The following ENTREP2 variants were observed in gnomAD, a reference collection of about 807,000 sequenced individuals.
ENTREP2 encodes the protein endosomal transmembrane epsin interactor 2.
chr15:29,131,828 CAAG>C, the ENTREP2 span, among the ~76,000 whole-genome samples: 15 of 126,704 alleles, frequency 1.2e-4, no homozygotes, highest in African/African-American at 4.0e-4. Context: ...GCCACCCAGA[CAAG>C]AAGATCAAAC....
chr15:29,486,801 A>C, the ENTREP2 span, among the ~76,000 whole-genome samples: 2 of 152,204 alleles, frequency 1.3e-5, no homozygotes, highest in Non-Finnish European at 2.9e-5. Flanking sequence ...GACAAATACC[A>C]CATGATCTCA....
the ENTREP2 span, among the ~76,000 whole-genome samples, chr15:29,379,624 A>G: frequency 5.9e-5 from 9 of 152,014 alleles, no homozygotes; most frequent in African/African-American, 2.2e-4. Context: ...CCCCACTGGG[A>G]TGAGTCCTGA....
the ENTREP2 span, chr15:29,120,656 G>C: frequency 1.3e-5 from 2 of 152,346 alleles, no homozygotes; most frequent in Non-Finnish European, 2.9e-5. Context: ...TCTCAGGGGA[G>C]GGCAGGGGAT....
chr15:29,660,464 G>A, the ENTREP2 span, among the ~76,000 whole-genome samples: 5 of 151,562 alleles, frequency 3.3e-5, no homozygotes, highest in Non-Finnish European at 7.4e-5. Flanking sequence ...CCAGAACTGA[G>A]AGAATAATTT....
the ENTREP2 span, among the ~76,000 whole-genome samples, chr15:29,157,495 C>T: frequency 6.6e-6 from 1 of 152,160 alleles, no homozygotes; most frequent in Non-Finnish European, 1.5e-5. Context: ...AGAAAACTGA[C>T]AGATTTATCC....
chr15:29,268,983 G>C, the ENTREP2 span: 25 of 1,614,022 alleles, frequency 1.5e-5, no homozygotes, highest in Non-Finnish European at 2.1e-5. Context: ...CGACGGGGTC[G>C]GTGTGGGGTA....
the ENTREP2 span, among the ~76,000 whole-genome samples, chr15:29,119,064 G>A: frequency 3.9e-5 from 6 of 152,166 alleles, no homozygotes; most frequent in African/African-American, 1.2e-4. Context: ...CGCCCAGAGG[G>A]TGTGGGCCAA....
At chr15:29,189,298 C>T in the ENTREP2 span, among the ~76,000 whole-genome samples, 14 of 152,196 alleles carry the variant, frequency 9.2e-5, no homozygotes, top group African/African-American at 3.1e-4. Flanking sequence ...GAACTGAGCA[C>T]ACCCAGCTGG....
the ENTREP2 span, among the ~76,000 whole-genome samples, chr15:29,646,298 T>C: frequency 6.6e-6 from 1 of 152,150 alleles, no homozygotes; most frequent in Non-Finnish European, 1.5e-5. Context: ...ACAAAGCTGA[T>C]ATTGAGGTGT....
the ENTREP2 span, among the ~76,000 whole-genome samples, chr15:29,287,475 G>A: frequency 6.6e-6 from 1 of 151,458 alleles, no homozygotes; most frequent in Non-Finnish European, 1.5e-5. Context: ...ACCTTTTGAG[G>A]TGGCTTGTGG....
chr15:29,441,407 G>C, the ENTREP2 span, among the ~76,000 whole-genome samples: 1 of 152,098 alleles, frequency 6.6e-6, no homozygotes, highest in Admixed American at 6.5e-5. Context: ...GTAGTCATAC[G>C]AAGGTGACTA....
the ENTREP2 span, among the ~76,000 whole-genome samples, chr15:29,622,079 G>T: frequency 2.0e-5 from 3 of 152,086 alleles, no homozygotes; most frequent in Non-Finnish European, 4.4e-5. Context: ...AGGGGATGGG[G>T]ACACAGTTTC....
At chr15:29,411,448 A>G in the ENTREP2 span, among the ~76,000 whole-genome samples, 3,456 of 152,280 alleles carry the variant, frequency 0.023, 138 homozygotes, top group African/African-American at 0.079. Context: ...TGACTGGGGC[A>G]TGTGTTGACA....
At chr15:29,632,619 T>TA in the ENTREP2 span, among the ~76,000 whole-genome samples, 89 of 151,902 alleles carry the variant, frequency 5.9e-4, no homozygotes, top group Non-Finnish European at 1.1e-3. Flanking sequence ...CTGTTTCTAC[T>TA]AAAAAAAATG....
At chr15:29,516,318 G>A in the ENTREP2 span, among the ~76,000 whole-genome samples, 1 of 152,112 alleles carries the variant, frequency 6.6e-6, no homozygotes, top group Non-Finnish European at 1.5e-5. Context: ...AATGGCAAAC[G>A]CTAAGGTTTC....
chr15:29,320,849 A>G, the ENTREP2 span, among the ~76,000 whole-genome samples: 1 of 152,182 alleles, frequency 6.6e-6, no homozygotes, highest in African/African-American at 2.4e-5. Flanking sequence ...AAGAATGAGA[A>G]AAAATAAAAA....
the ENTREP2 span, among the ~76,000 whole-genome samples, chr15:29,301,394 T>TA: frequency 1.3e-5 from 2 of 152,202 alleles, no homozygotes; most frequent in South Asian, 2.1e-4. Context: ...TGCATGTCCT[T>TA]AGAGTTTTCA....
chr15:29,126,564 A>T, the ENTREP2 span: 1 of 1,307,164 alleles, frequency 7.7e-7, no homozygotes, highest in Non-Finnish European at 1.1e-6. Context: ...CCTGCCCCTC[A>T]AACTCCAGAC....
At chr15:29,493,140 T>C in the ENTREP2 span, among the ~76,000 whole-genome samples, 3 of 102,258 alleles carry the variant, frequency 2.9e-5, no homozygotes, top group African/African-American at 1.1e-4. Flanking sequence ...TTTTTTTTTT[T>C]TTTTTTTTTT....
Sources: allele counts gnomAD v4.1 joint callset (sites outside exome capture counted in the v4.1 genomes callset), GRCh38; gene constraint gnomAD v4.1.1; transcripts MANE v1.5; gene names NCBI Gene and HGNC (gene_info 2026-07-23, HGNC 2026-07-21).